The following RTN1 variants were observed in gnomAD, a reference collection of about 807,000 sequenced individuals.
The protein encoded by RTN1 is reticulon-1.
RTN1 carries 25 observed loss-of-function variants against 65.5 expected under a neutral mutation model. The ratio of observed to expected loss-of-function variants is 0.38; its 90% CI spans 0.28 to 0.53. RTN1 has a LOEUF of 0.53. Ranked by LOEUF, RTN1 falls within the 20% of genes least tolerant of loss-of-function variation. The probability of loss-of-function intolerance (pLI) is 0.79; values close to 1 mark genes in which losing one functional copy is unlikely to be tolerated. For synonymous variants in RTN1, 471 were observed against 447.6 expected (o/e 1.05, Z -0.66); for missense variants, 983 against 1,025.4 (o/e 0.96, Z 0.57).
At chr14:59,762,700 A>G (rs1032433562) in intron 1 of RTN1, among the ~76,000 whole-genome samples, 7 of 152,250 alleles carry the variant, frequency 4.6e-5, no homozygotes, top group African/African-American at 1.7e-4. Flanking sequence ...GCTCAAGTTA[A>G]TTCAATAGCT....
At position 59,863,528 on chromosome 14, in the gene RTN1, G is replaced by A. The variant is rs555736979; in HGVS notation, c.241+6862C>T. Among the ~76,000 whole-genome samples, 14 of 151,900 alleles carry A rather than the reference G, an allele frequency of 9.2e-5. No individual in the cohort carries two copies. In the South Asian group the frequency reaches 1.0e-3, roughly 11 times the overall value. ...TCTCTTTCAGTTTTCCTACTTCGTC[G>A]CCCACTTTTACTCAGTTTTCTTTGA... On this transcript the variant is annotated intron_variant, in intron 1 of 8. Transcript: ENST00000267484.
At chr14:59,831,599 T>C (rs1887125345) in intron 1 of RTN1, among the ~76,000 whole-genome samples, 2 of 152,110 alleles carry the variant, frequency 1.3e-5, no homozygotes, top group Admixed American at 6.5e-5. Flanking sequence ...TCTCTCTCTC[T>C]CCATATGTAT....
intron 3 of RTN1, among the ~76,000 whole-genome samples, chr14:59,683,373 C>T (rs957593471): frequency 1.3e-4 from 20 of 151,900 alleles, no homozygotes; most frequent in Non-Finnish European, 2.1e-4. Flanking sequence ...GGATTCAATA[C>T]ACATCTTTAT....
In RTN1 at chr14:59,852,538, G is replaced by A. The variant is rs80139521; in HGVS notation, c.241+17852C>T. On this transcript the variant is annotated intron_variant, in intron 1 of 8. Transcript: ENST00000267484. ...ATTTGGTTCCAAAAACGTTGGCAGC[G>A]ACTGAAGTGTACACAGACTCAGTAA... Among the ~76,000 whole-genome samples, 11 of 152,224 alleles carry A rather than the reference G, an allele frequency of 7.2e-5. No individual in the cohort carries two copies. The East Asian group carries it at 1.2e-3, about 16-fold the overall frequency.
chr14:59,707,980 T>C, intron 3 of RTN1, among the ~76,000 whole-genome samples: 1 of 152,196 alleles, frequency 6.6e-6, no homozygotes, highest in Non-Finnish European at 1.5e-5. Flanking sequence ...TTACAGCAGA[T>C]GGCACTAAAA....
chr14:59,801,234 T>C (rs748468630), intron 1 of RTN1, among the ~76,000 whole-genome samples: 13 of 152,152 alleles, frequency 8.5e-5, no homozygotes, highest in African/African-American at 2.9e-4. Context: ...AAAAAATCAC[T>C]GATTCAAGAA....
At chr14:59,685,704 T>C (rs1883832601) in intron 3 of RTN1, among the ~76,000 whole-genome samples, 1 of 152,190 alleles carries the variant, frequency 6.6e-6, no homozygotes, top group Non-Finnish European at 1.5e-5. Context: ...TATTCATGAA[T>C]TAGAAGAATT....
At chr14:59,787,446 T>C (rs941606714) in intron 1 of RTN1, among the ~76,000 whole-genome samples, 1 of 152,220 alleles carries the variant, frequency 6.6e-6, no homozygotes. Flanking sequence ...TATGAAGTGC[T>C]TCACACAGTG....
At chr14:59,800,548 C>G (rs956305529) in intron 1 of RTN1, among the ~76,000 whole-genome samples, 3 of 151,984 alleles carry the variant, frequency 2.0e-5, no homozygotes, top group Admixed American at 6.6e-5. Context: ...CTACAGGCGC[C>G]CACCACCACG....
At chr14:59,746,544 A>C in intron 1 of RTN1, 63 bp from the exon 2 acceptor site, 1 of 1,393,912 alleles carries the variant, frequency 7.2e-7, no homozygotes, top group Non-Finnish European at 9.7e-7. Context: ...TCTCTTGTCT[A>C]ACCCACCACC....
chr14:59,790,932 C>T lies in RTN1; in HGVS notation c.242-44451G>A, dbSNP rs149210977. 2.7e-4 allele frequency among the ~76,000 whole-genome samples: 41 copies of T among 152,200 alleles called. No individual in the cohort carries two copies. The highest frequency in any genetic ancestry group is 9.4e-4 in the African/African-American group (39 of 41,546). Reference sequence around the variant, plus strand: ...AGGTTTTCTTCATGCCTATCTTCTCCTATCTATTTCTAATTATTTATTACT... The same window carrying T: ...AGGTTTTCTTCATGCCTATCTTCTCTTATCTATTTCTAATTATTTATTACT... On this transcript the variant is annotated intron_variant, in intron 1 of 8. Transcript: ENST00000267484. The surrounding 1 kb of genome is among the most constrained non-coding windows in gnomAD (Gnocchi z 4.1).
chr14:59,600,901 G>A lies in RTN1; in HGVS notation c.2288+2164C>T, dbSNP rs1881557881. Among the ~76,000 whole-genome samples, 6 of 151,948 alleles carry A rather than the reference G, an allele frequency of 3.9e-5. No homozygotes were observed. The South Asian group carries it at 8.3e-4, about 21-fold the overall frequency. The stretch of plus-strand genomic sequence containing the variant: ...TCTCTTTTCCCTCCATTTTAACCAG[G>A]CCATGCCCTTGTCACTTTTATTTGA... On this transcript the variant is annotated intron_variant, in intron 8 of 8. Coordinates refer to ENST00000267484, the MANE Select transcript of RTN1 (RefSeq NM_021136.3).
chr14:59,627,642 A>G (rs943411303), intron 3 of RTN1, among the ~76,000 whole-genome samples: 3 of 152,228 alleles, frequency 2.0e-5, no homozygotes, highest in African/African-American at 7.2e-5. Flanking sequence ...TAGAAGCAGA[A>G]TTGGTGTGAT....
intron 1 of RTN1, among the ~76,000 whole-genome samples, chr14:59,801,386 A>G (rs1413417598): frequency 6.6e-6 from 1 of 152,222 alleles, no homozygotes; most frequent in Non-Finnish European, 1.5e-5. Flanking sequence ...GGGAGGAAAG[A>G]TAAGAACTAT....
intron 1 of RTN1, among the ~76,000 whole-genome samples, chr14:59,754,949 G>A (rs1231163838): frequency 6.6e-6 from 1 of 152,160 alleles, no homozygotes; most frequent in Non-Finnish European, 1.5e-5. Context: ...ATCCTGTCAT[G>A]AACGTGATGA....
chr14:59,640,833 A>T (rs949349734), intron 3 of RTN1, among the ~76,000 whole-genome samples: 1 of 151,444 alleles, frequency 6.6e-6, no homozygotes, highest in African/African-American at 2.4e-5. Context: ...TTTTCTTTTT[A>T]TCTATTGTAT....
At chr14:59,696,894 A>G (rs536573197) in intron 3 of RTN1, among the ~76,000 whole-genome samples, 15 of 151,932 alleles carry the variant, frequency 9.9e-5, no homozygotes, top group South Asian at 4.2e-4. Flanking sequence ...CATAGGGGGG[A>G]AAAAAAACAA....
chr14:59,869,426 C>T (rs1307375718), intron 1 of RTN1, among the ~76,000 whole-genome samples: 1 of 152,118 alleles, frequency 6.6e-6, no homozygotes, highest in African/African-American at 2.4e-5. Context: ...TCCCTGGAAA[C>T]AGCGTTAACC....
At chr14:59,704,321 G>T (rs1884242771) in intron 3 of RTN1, among the ~76,000 whole-genome samples, 1 of 152,150 alleles carries the variant, frequency 6.6e-6, no homozygotes, top group African/African-American at 2.4e-5. Context: ...TGACTAAGAA[G>T]ATTATGCAAC....
Sources: gnomAD v4.1 joint callset for allele counts (sites outside exome capture counted in the v4.1 genomes callset) on GRCh38, gnomAD v4.1.1 for gene constraint, Gnocchi (gnomAD v3.1) non-coding constraint, MANE v1.5 for transcripts, NCBI Gene and HGNC (gene_info 2026-07-23, HGNC 2026-07-21) for gene names.